The following MTUS2 variants were observed in gnomAD, a reference collection of about 807,000 sequenced individuals.
MTUS2 encodes microtubule associated scaffold protein 2, also known as microtubule-associated tumor suppressor candidate 2.
MTUS2 carries 40 observed loss-of-function variants against 114.1 expected under a neutral mutation model. The observed-to-expected ratio is 0.35, with a 90% confidence interval of 0.27 to 0.46. The LOEUF (loss-of-function observed/expected upper bound fraction) is 0.46. MTUS2 is among the 20% of genes least tolerant of loss of function. The pLI is 1.00. For synonymous variants in MTUS2, 688 were observed against 672.0 expected, an observed-to-expected ratio of 1.02 and a Z score of -0.37; for missense variants, 1,679 against 1,705.4, an observed-to-expected ratio of 0.98 and a Z score of 0.27.
intron 6 of MTUS2, among the ~76,000 whole-genome samples, chr13:29,306,533 T>G (rs1416788939): frequency 6.6e-6 from 1 of 151,994 alleles, no homozygotes; most frequent in African/African-American, 2.4e-5. Flanking sequence ...GAACTCCCAT[T>G]CACAATTACT....
chr13:29,438,698 G>T (rs1877604903), intron 8 of MTUS2, among the ~76,000 whole-genome samples: 1 of 151,960 alleles, frequency 6.6e-6, no homozygotes, highest in Non-Finnish European at 1.5e-5. Context: ...ACTATAGCAG[G>T]GTCCATTTCC....
At chr13:28,967,941 GTTA>G (rs1473370722) in intron 2 of MTUS2, among the ~76,000 whole-genome samples, 3 of 152,150 alleles carry the variant, frequency 2.0e-5, no homozygotes, top group East Asian at 1.9e-4. Context: ...ACTACACCCT[GTTA>G]TTATTTCAAT....
chr13:29,110,439 G>A, intron 5 of MTUS2, among the ~76,000 whole-genome samples: 1 of 152,150 alleles, frequency 6.6e-6, no homozygotes, highest in Non-Finnish European at 1.5e-5. Context: ...ACTAAAATAA[G>A]CTTCTGATTT....
chr13:29,237,297 C>T (rs1317855375), intron 5 of MTUS2, among the ~76,000 whole-genome samples: 2 of 152,114 alleles, frequency 1.3e-5, no homozygotes, highest in African/African-American at 4.8e-5. Context: ...ATTTTCCTAC[C>T]AGAGCTCCAG....
chr13:29,375,538 CGTGT>C lies in MTUS2; in HGVS notation c.3117+16066_3117+16069del, dbSNP rs1472103087. ...TACTATATATATATATATATATATA[CGTGT>C]ATATATATATATATACGTATATATA... On this transcript the variant is annotated intron_variant, in intron 8 of 15. Coordinates refer to ENST00000612955, the MANE Select transcript of MTUS2 (RefSeq NM_001033602.4). Among the ~76,000 whole-genome samples, 5 of 3,318 alleles carry C rather than the reference CGTGT, an allele frequency of 1.5e-3. 1 individual carries two copies. In the Admixed American group the frequency reaches 0.016, roughly 11 times the overall value. 2.2% of individuals were successfully genotyped at this position (3,318 alleles called of 152,430 possible). A position where few individuals can be genotyped will look rare whatever the true frequency, so the allele number is the denominator to read the frequency against.
chr13:29,162,846 G>C lies in MTUS2; in HGVS notation c.2644+61876G>C, dbSNP rs541935248. ...TCATCCTCTGAGAATCTAGGACTTCGTATGCCCGAGACTTGCTGCTGCTCA... is the reference window on the plus strand; with the variant it reads ...TCATCCTCTGAGAATCTAGGACTTCCTATGCCCGAGACTTGCTGCTGCTCA... On this transcript the variant is annotated intron_variant, in intron 5 of 15. Transcript: ENST00000612955. Among the ~76,000 whole-genome samples, 7 of 152,158 alleles carry C rather than the reference G, an allele frequency of 4.6e-5. No individual in the cohort carries two copies. The South Asian group carries it at 1.5e-3, about 32-fold the overall frequency.
intron 5 of MTUS2, among the ~76,000 whole-genome samples, chr13:29,239,119 C>T (rs1390653886): frequency 6.6e-6 from 1 of 152,058 alleles, no homozygotes; most frequent in Non-Finnish European, 1.5e-5. Context: ...ACCACAGACA[C>T]ACAAAAAAGG....
intron 5 of MTUS2, among the ~76,000 whole-genome samples, chr13:29,186,023 A>C (rs938799693): frequency 1.3e-5 from 2 of 152,108 alleles, no homozygotes; most frequent in Non-Finnish European, 2.9e-5. Context: ...CCAGCCAAGG[A>C]AACATAAAAA....
At chr13:28,974,069 A>T (rs1413341466) in intron 2 of MTUS2, among the ~76,000 whole-genome samples, 2 of 152,150 alleles carry the variant, frequency 1.3e-5, no homozygotes, top group Non-Finnish European at 2.9e-5. Flanking sequence ...TTTTCTTGTT[A>T]TACTGCCCTC....
chr13:29,032,042 C>T (rs1409708701), intron 3 of MTUS2, among the ~76,000 whole-genome samples: 6 of 152,072 alleles, frequency 3.9e-5, no homozygotes, highest in South Asian at 2.1e-4. Context: ...GGAACAGCAA[C>T]GTTTGGGGTT....
chr13:28,999,315 C>A (rs1469148478), intron 2 of MTUS2, among the ~76,000 whole-genome samples: 1 of 152,140 alleles, frequency 6.6e-6, no homozygotes, highest in Admixed American at 6.6e-5. Context: ...GGGGTTCCTC[C>A]CAGTTAGGCT....
chr13:29,390,173 T>G (rs1873315808), intron 8 of MTUS2, among the ~76,000 whole-genome samples: 1 of 149,252 alleles, frequency 6.7e-6, no homozygotes, highest in African/African-American at 2.4e-5. Flanking sequence ...TGTGTGTGTG[T>G]GTGTTTATGA....
At chr13:29,449,553 A>G (rs1433015110) in intron 9 of MTUS2, among the ~76,000 whole-genome samples, 1 of 152,248 alleles carries the variant, frequency 6.6e-6, no homozygotes, top group African/African-American at 2.4e-5. Flanking sequence ...GAGGGTCAGA[A>G]AGAGTAAGTG....
chr13:29,203,437 G>A (rs370480442), intron 5 of MTUS2, among the ~76,000 whole-genome samples: 1 of 152,122 alleles, frequency 6.6e-6, no homozygotes, highest in African/African-American at 2.4e-5. Flanking sequence ...GTGGATCTTA[G>A]CTTGCTGGGC....
At chr13:28,997,544 T>C (rs1372010459) in intron 2 of MTUS2, among the ~76,000 whole-genome samples, 2 of 152,224 alleles carry the variant, frequency 1.3e-5, no homozygotes, top group Non-Finnish European at 2.9e-5. Flanking sequence ...TGTAGGTCTC[T>C]AAGGACTTGC....
chr13:28,913,546 T>A (rs1243844898), intron 2 of MTUS2, among the ~76,000 whole-genome samples: 1 of 152,184 alleles, frequency 6.6e-6, no homozygotes. Context: ...TGCAGCGATA[T>A]TCATCAGGGA....
chr13:29,307,939 C>T (rs184075735), intron 6 of MTUS2, among the ~76,000 whole-genome samples: 2 of 152,254 alleles, frequency 1.3e-5, no homozygotes, highest in African/African-American at 2.4e-5. Context: ...GGAGCCCCAC[C>T]TTGTCATGTA....
rs2139039666 is a variant in MTUS2, at chr13:29,504,827, A to C, written c.*1621A>C. On this transcript the variant is annotated 3_prime_UTR_variant, in exon 16 of 16. Coordinates refer to ENST00000612955, the MANE Select transcript of MTUS2 (RefSeq NM_001033602.4). ...CTTTGAGCGTGCCCAAGGCGAGAAG[A>C]ACCATGAGGGGGTCCTGCAGGGGCC... 1 of 233,034 alleles carries C rather than the reference A, an allele frequency of 4.3e-6. No individual in the cohort carries two copies. 14.4% of individuals were successfully genotyped at this position (233,034 alleles called of 1,614,324 possible). A position where few individuals can be genotyped will look rare whatever the true frequency, so the allele number is the denominator to read the frequency against.
Position 29,381,683 on chromosome 13 carries a change from C to T in MTUS2, c.3117+22210C>T, listed in dbSNP as rs117085830. On this transcript the variant is annotated intron_variant, in intron 8 of 15. Coordinates refer to ENST00000612955, the MANE Select transcript of MTUS2 (RefSeq NM_001033602.4). ...ACATCAAAGCCCACGTTCATCATGA[C>T]GTTCTGCTGCCTCCCAGTCGTTTAG... 3.8e-3 allele frequency among the ~76,000 whole-genome samples: 583 copies of T among 152,256 alleles called. 3 individuals are homozygous for T. The highest frequency in any genetic ancestry group is 6.8e-3 in the Middle Eastern group (2 of 294).
Sources: allele counts gnomAD v4.1 joint callset (sites outside exome capture counted in the v4.1 genomes callset), GRCh38; gene constraint gnomAD v4.1.1; transcripts MANE v1.5; gene names NCBI Gene and HGNC (gene_info 2026-07-23, HGNC 2026-07-21).